Variants in KCNA6 observed in about 807,000 individuals in gnomAD.
KCNA6 encodes human brain potassium channel-2.
A neutral mutation model predicts 29.5 loss-of-function variants in KCNA6; 17 were observed. The ratio of observed to expected loss-of-function variants is 0.58; its 90% CI spans 0.39 to 0.86. The LOEUF (loss-of-function observed/expected upper bound fraction) is 0.86. Among genes scored for constraint, KCNA6 ranks in the 40% least tolerant of loss-of-function variants. The probability of loss-of-function intolerance (pLI) is 0.00; values close to 1 mark genes in which losing one functional copy is unlikely to be tolerated. For synonymous variants in KCNA6, 296 were observed against 304.7 expected (o/e 0.97, Z 0.30); for missense variants, 450 against 703.4 (o/e 0.64, Z 4.07).
At chr12:4,841,580 T>G in the KCNA6 span, among the ~76,000 whole-genome samples, 4 of 152,324 alleles carry the variant, frequency 2.6e-5, no homozygotes, top group African/African-American at 9.6e-5. Flanking sequence ...TGTGAAGTGT[T>G]GGAAATATAC....
At chr12:4,837,704 A>G in the KCNA6 span, among the ~76,000 whole-genome samples, 1 of 152,202 alleles carries the variant, frequency 6.6e-6, no homozygotes, top group East Asian at 1.9e-4. Context: ...TATGGAAATA[A>G]AAAGCAATCA....
chr12:4,812,841 C>T (rs1946645150), exon 1 of KCNA6: 1 of 167,130 alleles, frequency 6.0e-6, no homozygotes, highest in Admixed American at 6.5e-5. Flanking sequence ...CAAGCAAACA[C>T]TTGCCTGCTC....
chr12:4,826,700 C>T, the KCNA6 span, among the ~76,000 whole-genome samples: 8 of 152,222 alleles, frequency 5.3e-5, no homozygotes, highest in Non-Finnish European at 7.3e-5. Flanking sequence ...TCTGCGGATA[C>T]CCAAGTGTAT....
At chr12:4,834,492 G>A in the KCNA6 span, among the ~76,000 whole-genome samples, 2 of 152,172 alleles carry the variant, frequency 1.3e-5, no homozygotes, top group African/African-American at 4.8e-5. Flanking sequence ...TGGCAGATAC[G>A]AGTAAACAGC....
chr12:4,818,364 A>C (rs1208241737), downstream of KCNA6, among the ~76,000 whole-genome samples: 1 of 152,248 alleles, frequency 6.6e-6, no homozygotes, highest in Non-Finnish European at 1.5e-5. Context: ...GTCGCGGCTC[A>C]AATCCCTCCT....
At chr12:4,840,188 A>G in the KCNA6 span, among the ~76,000 whole-genome samples, 2 of 54,364 alleles carry the variant, frequency 3.7e-5, no homozygotes, top group African/African-American at 6.2e-5. Flanking sequence ...TTCATTGATG[A>G]TGATTATTAT....
downstream of KCNA6, among the ~76,000 whole-genome samples, chr12:4,815,262 A>G (rs1483586521): frequency 1.3e-5 from 2 of 152,130 alleles, no homozygotes; most frequent in African/African-American, 2.4e-5. Flanking sequence ...TGTGCTTGCT[A>G]AGGTCTGTCT....
the KCNA6 span, among the ~76,000 whole-genome samples, chr12:4,836,816 C>T: frequency 1.4e-4 from 22 of 152,212 alleles, no homozygotes; most frequent in African/African-American, 5.1e-4. Context: ...CTGATATAGC[C>T]AGTTGCAGGG....
the KCNA6 span, among the ~76,000 whole-genome samples, chr12:4,833,374 G>A: frequency 6.6e-6 from 1 of 152,116 alleles, no homozygotes; most frequent in South Asian, 2.1e-4. Context: ...TGGCCAGGGA[G>A]CCTCAGTATC....
the KCNA6 span, among the ~76,000 whole-genome samples, chr12:4,822,506 A>G: frequency 6.6e-6 from 1 of 152,234 alleles, no homozygotes; most frequent in African/African-American, 2.4e-5. Context: ...GTGAGGCTGC[A>G]CAGAGAAGAA....
the KCNA6 span, among the ~76,000 whole-genome samples, chr12:4,824,539 A>G: frequency 6.6e-6 from 1 of 152,344 alleles, no homozygotes; most frequent in South Asian, 2.1e-4. Context: ...TTAAATTCCT[A>G]AAGAAAGAAC....
chr12:4,824,319 T>G, the KCNA6 span, among the ~76,000 whole-genome samples: 1 of 152,208 alleles, frequency 6.6e-6, no homozygotes, highest in African/African-American at 2.4e-5. Context: ...CATAAATCAG[T>G]CTTTTGGGAA....
chr12:4,825,256 CG>C, the KCNA6 span, among the ~76,000 whole-genome samples: 1 of 152,300 alleles, frequency 6.6e-6, no homozygotes, highest in African/African-American at 2.4e-5. Flanking sequence ...ATCAGTCCTA[CG>C]CAACTTTCCA....
At chr12:4,846,633 G>T in the KCNA6 span, among the ~76,000 whole-genome samples, 2 of 152,064 alleles carry the variant, frequency 1.3e-5, no homozygotes, top group Admixed American at 1.3e-4. Flanking sequence ...CTTCCCACCA[G>T]AAATGTCAAT....
At chr12:4,849,425 A>G in the KCNA6 span, among the ~76,000 whole-genome samples, 7 of 150,094 alleles carry the variant, frequency 4.7e-5, no homozygotes, top group African/African-American at 1.7e-4. Flanking sequence ...GAAAACTTTG[A>G]CCATTTGCTA....
chr12:4,823,860 G>A, the KCNA6 span, among the ~76,000 whole-genome samples: 1 of 152,204 alleles, frequency 6.6e-6, no homozygotes, highest in African/African-American at 2.4e-5. Flanking sequence ...TGTAAGTGAT[G>A]CATTTGCAGG....
chr12:4,818,911 T>C, the KCNA6 span, among the ~76,000 whole-genome samples: 1 of 151,700 alleles, frequency 6.6e-6, no homozygotes, highest in African/African-American at 2.4e-5. Flanking sequence ...TATATATACA[T>C]ACATACACAT....
At chr12:4,837,529 G>C in the KCNA6 span, among the ~76,000 whole-genome samples, 77 of 152,156 alleles carry the variant, frequency 5.1e-4, no homozygotes, top group African/African-American at 1.8e-3. Flanking sequence ...TCTCCAGGTA[G>C]ACAGCATCAG....
chr12:4,824,063 C>G, the KCNA6 span, among the ~76,000 whole-genome samples: 1 of 152,210 alleles, frequency 6.6e-6, no homozygotes, highest in Non-Finnish European at 1.5e-5. Context: ...GGGGAGAGTT[C>G]AGAACCTCAC....
Sources: gnomAD v4.1 joint callset for allele counts (sites outside exome capture counted in the v4.1 genomes callset) on GRCh38, gnomAD v4.1.1 for gene constraint, MANE v1.5 for transcripts, NCBI Gene and HGNC (gene_info 2026-07-23, HGNC 2026-07-21) for gene names.